KCNK9: variants seen among roughly 807,000 people sequenced by gnomAD.
KCNK9 encodes the protein potassium two pore domain channel subfamily K member 9.
A neutral mutation model predicts 10.8 loss-of-function variants in KCNK9; 1 was observed. That is an observed-to-expected ratio of 0.09 (90% CI 0.03 to 0.44). The LOEUF is 0.44. KCNK9 is among the 20% of genes least tolerant of loss of function. The pLI is 0.97. For missense variants in KCNK9, 303 were observed against 515.0 expected (o/e 0.59, Z 3.98); for synonymous variants, 231 against 222.7 (o/e 1.04, Z -0.33).
Position 139,618,249 on chromosome 8 carries a change from T to A in KCNK9, c.*9A>T. On this transcript the variant is annotated 3_prime_UTR_variant, in exon 2 of 2. Coordinates refer to ENST00000520439, the MANE Select transcript of KCNK9 (RefSeq NM_001282534.2). This position sits in a 1 kb window ranked among gnomAD's most constrained non-coding sequence, Gnocchi z 7.9. Reference sequence around the variant, plus strand: ...AAATGACTTTTCTGTCCCATTTCCCTCCCCACACCTAAACGGACTTCCGGC... The same window carrying A: ...AAATGACTTTTCTGTCCCATTTCCCACCCCACACCTAAACGGACTTCCGGC... 6.2e-7 allele frequency: 1 copy of A among 1,614,100 alleles called. No individual in the cohort carries two copies. The highest frequency in any genetic ancestry group is 1.1e-5 in the South Asian group (1 of 91,042).
chr8:139,629,883 C>T (rs1815105574), intron 1 of KCNK9, among the ~76,000 whole-genome samples: 1 of 152,172 alleles, frequency 6.6e-6, no homozygotes, highest in African/African-American at 2.4e-5. Flanking sequence ...TCTCCAAATA[C>T]GGTCACATTG....
Position 139,617,723 on chromosome 8 carries a change from C to T in KCNK9, c.*535G>A, listed in dbSNP as rs1024181221. On this transcript the variant is annotated 3_prime_UTR_variant, in exon 2 of 2. Coordinates refer to ENST00000520439, the MANE Select transcript of KCNK9 (RefSeq NM_001282534.2). Reference sequence around the variant, plus strand: ...CTATGATGTGTGATGGGAAAGAAAACGGAATACCTAATACTTCCCGTTTTG... The same window carrying T: ...CTATGATGTGTGATGGGAAAGAAAATGGAATACCTAATACTTCCCGTTTTG... 6.6e-5 allele frequency among the ~76,000 whole-genome samples: 10 copies of T among 152,120 alleles called. No individual in the cohort carries two copies. Among genetic ancestry groups the T allele is most frequent in the Non-Finnish European group, 1.5e-5 (1 of 68,026 alleles).
At chr8:139,651,154 G>A (rs1815850241) in intron 1 of KCNK9, among the ~76,000 whole-genome samples, 2 of 152,200 alleles carry the variant, frequency 1.3e-5, no homozygotes, top group African/African-American at 4.8e-5. Flanking sequence ...GCAAGCCTAA[G>A]GCCTAGGAAA....
intron 1 of KCNK9, among the ~76,000 whole-genome samples, chr8:139,679,391 T>C (rs958268264): frequency 4.6e-5 from 7 of 152,234 alleles, no homozygotes; most frequent in Non-Finnish European, 7.3e-5. Context: ...CTGCGATGAC[T>C]TCCCCCAGGA....
At chr8:139,605,353 C>A (rs1817462596) in intron 2 of KCNK9, among the ~76,000 whole-genome samples, 1 of 152,200 alleles carries the variant, frequency 6.6e-6, no homozygotes, top group Non-Finnish European at 1.5e-5. Context: ...GTTCCTGGAT[C>A]CAATTCAAGC....
chr8:139,620,981 G>A (rs1395482437), intron 1 of KCNK9, among the ~76,000 whole-genome samples: 1 of 152,114 alleles, frequency 6.6e-6, no homozygotes, highest in East Asian at 1.9e-4. Context: ...AGAAATAATG[G>A]CCAAAAGTAG....
chr8:139,663,786 T>C (rs1317905354), intron 1 of KCNK9, among the ~76,000 whole-genome samples: 2 of 152,128 alleles, frequency 1.3e-5, no homozygotes, highest in African/African-American at 4.8e-5. Flanking sequence ...ACTGCCTGCC[T>C]GAGCCCAGCC....
At chr8:139,650,093 T>C (rs1316110897) in intron 1 of KCNK9, among the ~76,000 whole-genome samples, 3 of 152,178 alleles carry the variant, frequency 2.0e-5, no homozygotes, top group African/African-American at 7.2e-5. Flanking sequence ...GTTAAGATCA[T>C]GTGGAGCCTG....
intron 1 of KCNK9, among the ~76,000 whole-genome samples, chr8:139,634,781 G>A (rs575157317): frequency 3.3e-5 from 5 of 152,202 alleles, no homozygotes; most frequent in Non-Finnish European, 5.9e-5. Flanking sequence ...AGGGGAAGGG[G>A]AATCCTTGGC....
chr8:139,660,189 T>C (rs1816115770), intron 1 of KCNK9, among the ~76,000 whole-genome samples: 1 of 152,110 alleles, frequency 6.6e-6, no homozygotes, highest in African/African-American at 2.4e-5. Context: ...GGAATATTAT[T>C]ATATTAAATG....
chr8:139,688,474 T>C (rs901839267), intron 1 of KCNK9, among the ~76,000 whole-genome samples: 2 of 152,176 alleles, frequency 1.3e-5, no homozygotes, highest in African/African-American at 4.8e-5. Context: ...CCATCAGCTC[T>C]AGAGAGAATT....
chr8:139,687,414 A>ATC (rs1285594895), intron 1 of KCNK9, among the ~76,000 whole-genome samples: 1 of 141,256 alleles, frequency 7.1e-6, no homozygotes, highest in African/African-American at 2.7e-5. Context: ...ATATATTCAT[A>ATC]TATGTGTATA....
At chr8:139,638,387 AT>A (rs1302022218) in intron 1 of KCNK9, among the ~76,000 whole-genome samples, 10 of 152,220 alleles carry the variant, frequency 6.6e-5, no homozygotes. Flanking sequence ...CAGGTGCCAA[AT>A]ACAGGTGACT....
chr8:139,651,333 G>A (rs1001867913), intron 1 of KCNK9, among the ~76,000 whole-genome samples: 11 of 152,204 alleles, frequency 7.2e-5, no homozygotes, highest in East Asian at 1.9e-4. Context: ...CTTGGTACCG[G>A]TGGAGGCTGC....
chr8:139,615,415 C>T (rs143006160), downstream of KCNK9, among the ~76,000 whole-genome samples: 112 of 152,150 alleles, frequency 7.4e-4, no homozygotes, highest in Middle Eastern at 6.8e-3. Context: ...AAGAAAGAAC[C>T]CTGAACCCTT....
rs962528731 is a variant in KCNK9 at position 139,651,400 on chromosome 8, T to G, written c.284-32301A>C. On this transcript the variant is annotated intron_variant, in intron 1 of 1. Coordinates refer to ENST00000520439, the MANE Select transcript of KCNK9 (RefSeq NM_001282534.2). ...GGCACGGCAACCACACCTGGCCACCTGTGGCTCCCCACCCAATAGCCACAG... is the reference window on the plus strand; with the variant it reads ...GGCACGGCAACCACACCTGGCCACCGGTGGCTCCCCACCCAATAGCCACAG... Among the ~76,000 whole-genome samples the G allele has an allele frequency of 2.6e-5, 4 of 152,342 alleles. No homozygotes were observed. The East Asian group carries it at 7.7e-4, about 29-fold the overall frequency.
At chr8:139,676,269 C>A (rs747683536) in intron 1 of KCNK9, among the ~76,000 whole-genome samples, 1 of 152,254 alleles carries the variant, frequency 6.6e-6, no homozygotes, top group Non-Finnish European at 1.5e-5. Context: ...CTTCTCCCAA[C>A]AATGAAGTGT....
intron 1 of KCNK9, among the ~76,000 whole-genome samples, chr8:139,630,386 G>A (rs1390891701): frequency 6.6e-6 from 1 of 152,130 alleles, no homozygotes; most frequent in Non-Finnish European, 1.5e-5. Context: ...AGAGTCCTGG[G>A]CTCTGCCGCC....
At chr8:139,652,758 A>G (rs763036685) in intron 1 of KCNK9, among the ~76,000 whole-genome samples, 3 of 152,208 alleles carry the variant, frequency 2.0e-5, no homozygotes, top group Admixed American at 2.0e-4. Context: ...CTGTGCAGCC[A>G]AACGCTGTCA....
Sources: allele counts gnomAD v4.1 joint callset (sites outside exome capture counted in the v4.1 genomes callset), GRCh38; gene constraint gnomAD v4.1.1; non-coding constraint Gnocchi (gnomAD v3.1); transcripts MANE v1.5; gene names NCBI Gene and HGNC (gene_info 2026-07-23, HGNC 2026-07-21).